The following DCAF8L2 variants were observed in gnomAD, a reference collection of about 807,000 sequenced individuals.
DCAF8L2 encodes DDB1 and CUL4 associated factor 8 like 2, also known as DDB1- and CUL4-associated factor 8-like protein 2.
For synonymous variants in DCAF8L2, 200 were observed against 190.9 expected (o/e 1.05, Z -0.39); for missense variants, 430 against 490.7 (o/e 0.88, Z 1.17).
At chrX:27,640,176 C>A (rs1042976193) in intron 2 of DCAF8L2, among the ~76,000 whole-genome samples, 8 of 111,693 alleles carry the variant, frequency 7.2e-5, no homozygotes, top group Non-Finnish European at 1.5e-4. Flanking sequence ...GGACAAAAAA[C>A]CAAACACTGC....
intron 4 of DCAF8L2, among the ~76,000 whole-genome samples, chrX:27,737,891 C>T (rs1261622634): frequency 9.0e-6 from 1 of 111,107 alleles, no homozygotes; most frequent in Non-Finnish European, 1.9e-5. Context: ...CATTGCACTT[C>T]AAAATCATTA....
At chrX:27,551,130 G>A in the DCAF8L2 span, among the ~76,000 whole-genome samples, 1 of 108,330 alleles carries the variant, frequency 9.2e-6, no homozygotes, top group African/African-American at 3.4e-5. Flanking sequence ...CCTCTGCTTG[G>A]GCATTCCTGT....
At chrX:27,643,809 A>AT (rs1429134505) in intron 2 of DCAF8L2, among the ~76,000 whole-genome samples, 2 of 111,434 alleles carry the variant, frequency 1.8e-5, no homozygotes, top group African/African-American at 6.5e-5. Flanking sequence ...TATGTGTTTG[A>AT]TTTTTTTGGC....
the DCAF8L2 span, among the ~76,000 whole-genome samples, chrX:27,492,049 G>A: frequency 8.9e-6 from 1 of 111,889 alleles, no homozygotes; most frequent in Admixed American, 9.5e-5. Context: ...GGGAAACCTT[G>A]GGCCTGTTTC....
intron 3 of DCAF8L2, among the ~76,000 whole-genome samples, chrX:27,710,287 A>G (rs1440148660): frequency 9.0e-6 from 1 of 111,659 alleles, no homozygotes; most frequent in East Asian, 2.8e-4. Context: ...CAATTCCCAT[A>G]TACATCCTAA....
chrX:27,573,601 C>G, the DCAF8L2 span, among the ~76,000 whole-genome samples: 1 of 111,376 alleles, frequency 9.0e-6, no homozygotes, highest in Non-Finnish European at 1.9e-5. Flanking sequence ...GAAAATGAAG[C>G]AATCTTTAGG....
chrX:27,663,985 C>CAGG (rs1929651735), intron 2 of DCAF8L2, among the ~76,000 whole-genome samples: 1 of 106,544 alleles, frequency 9.4e-6, no homozygotes, highest in East Asian at 3.0e-4. Context: ...GCTGGGATTA[C>CAGG]AGGAGTCAGC....
chrX:27,526,875 T>C, the DCAF8L2 span, among the ~76,000 whole-genome samples: 1 of 112,436 alleles, frequency 8.9e-6, no homozygotes, highest in Non-Finnish European at 1.9e-5. Context: ...TGTTTGATCG[T>C]TCCTCTGGAA....
chrX:27,561,360 A>G, the DCAF8L2 span, among the ~76,000 whole-genome samples: 1 of 111,812 alleles, frequency 8.9e-6, no homozygotes, highest in Non-Finnish European at 1.9e-5. Context: ...ACCCAATCCC[A>G]TTATCTTATT....
chrX:27,476,630 G>C, the DCAF8L2 span, among the ~76,000 whole-genome samples: 3 of 111,487 alleles, frequency 2.7e-5, no homozygotes, highest in Non-Finnish European at 3.8e-5. Context: ...ACTTAATGAT[G>C]ATCTGCTGAG....
intron 4 of DCAF8L2, among the ~76,000 whole-genome samples, chrX:27,746,017 C>G (rs1237280922): frequency 9.0e-6 from 1 of 111,649 alleles, no homozygotes; most frequent in Non-Finnish European, 1.9e-5. Context: ...AAAGGAAGTA[C>G]TACTTCTATC....
rs779606774 is a variant in DCAF8L2 at position 27,649,743 on chromosome X, C to T, written c.-220+17743C>T. Among the ~76,000 whole-genome samples the T allele has an allele frequency of 2.1e-4, 24 of 111,680 alleles. No individual in the cohort carries two copies. In the South Asian group the frequency reaches 5.5e-3, roughly 26 times the overall value. On this transcript the variant is annotated intron_variant, in intron 2 of 4. Transcript: ENST00000451261. ...AGTATGTAAATATCTTCTCTCATTG[C>T]GTAGGTTTTCTGTTTACTCTGTTGA...
chrX:27,510,433 C>A, the DCAF8L2 span, among the ~76,000 whole-genome samples: 3 of 108,256 alleles, frequency 2.8e-5, no homozygotes, highest in Non-Finnish European at 5.7e-5. Context: ...GAAAACTTCC[C>A]AGACTCACAT....
chrX:27,502,333 AAAATATAT>A, the DCAF8L2 span, among the ~76,000 whole-genome samples: 70 of 23,258 alleles, frequency 3.0e-3, no homozygotes, highest in African/African-American at 0.012. Flanking sequence ...AAAAAAAAAA[AAAATATAT>A]ATATATATAT....
intron 1 of DCAF8L2, among the ~76,000 whole-genome samples, chrX:27,619,678 G>T (rs1287468708): frequency 9.0e-6 from 1 of 111,703 alleles, no homozygotes; most frequent in Non-Finnish European, 1.9e-5. Flanking sequence ...CAAAATGGCA[G>T]CTGCTTCCTT....
chrX:27,655,325 A>C (rs1270863093), intron 2 of DCAF8L2, among the ~76,000 whole-genome samples: 1 of 112,408 alleles, frequency 8.9e-6, no homozygotes, highest in African/African-American at 3.2e-5. Context: ...AAATGGTTTT[A>C]GCTTCCAAAG....
intron 3 of DCAF8L2, among the ~76,000 whole-genome samples, chrX:27,703,601 A>G (rs776137443): frequency 6.3e-5 from 7 of 111,198 alleles, no homozygotes; most frequent in Non-Finnish European, 1.3e-4. Flanking sequence ...AAAGAGCGCC[A>G]TGACAATTCA....
At chrX:27,708,990 G>A (rs1038278507) in intron 3 of DCAF8L2, among the ~76,000 whole-genome samples, 2 of 112,103 alleles carry the variant, frequency 1.8e-5, no homozygotes, top group African/African-American at 6.5e-5. Flanking sequence ...CGTGATCTCG[G>A]CTCACCACAA....
the DCAF8L2 span, among the ~76,000 whole-genome samples, chrX:27,547,544 C>A: frequency 8.9e-6 from 1 of 111,989 alleles, no homozygotes; most frequent in Admixed American, 9.4e-5. Context: ...AACTTACAAT[C>A]ATGGCAGAAG....
Sources: gnomAD v4.1 joint callset for allele counts (sites outside exome capture counted in the v4.1 genomes callset) on GRCh38, gnomAD v4.1.1 for gene constraint, MANE v1.5 for transcripts, NCBI Gene and HGNC (gene_info 2026-07-23, HGNC 2026-07-21) for gene names.